Variants in HTRA3 observed in about 807,000 individuals in gnomAD.
HTRA3 encodes the protein HtrA serine peptidase 3.
In HTRA3, 41 loss-of-function variants were observed where a neutral mutation model predicts 43.2. That is an observed-to-expected ratio of 0.95 (90% CI 0.74 to 1.23). The LOEUF (loss-of-function observed/expected upper bound fraction) is 1.23, where lower values mean the gene tolerates loss of function less well. Ranked by LOEUF, HTRA3 falls within the 50% of genes most tolerant of loss-of-function variation. The probability of loss-of-function intolerance (pLI) is 0.00; values close to 1 mark genes in which losing one functional copy is unlikely to be tolerated. For missense variants in HTRA3, 628 were observed against 647.1 expected (o/e 0.97, Z 0.32); for synonymous variants, 295 against 287.9 (o/e 1.02, Z -0.25).
intron 1 of HTRA3, among the ~76,000 whole-genome samples, chr4:8,271,597 G>T (rs757299080): frequency 6.6e-6 from 1 of 152,228 alleles, no homozygotes; most frequent in Non-Finnish European, 1.5e-5. Context: ...ACAGGACAGA[G>T]ATGTATTTCT....
chr4:8,295,598 C>T lies in HTRA3; in HGVS notation c.1051+1397C>T, dbSNP rs941933516. Reference sequence around the variant, plus strand: ...TCTCTTCAGCCCTAGTGAGCTTCTCCCTCCTGCCATTGTGTCTCCTGTGCC... The same window carrying T: ...TCTCTTCAGCCCTAGTGAGCTTCTCTCTCCTGCCATTGTGTCTCCTGTGCC... On this transcript the variant is annotated intron_variant, in intron 6 of 8. Coordinates refer to ENST00000307358, the MANE Select transcript of HTRA3 (RefSeq NM_053044.5). This position sits in a 1 kb window ranked among gnomAD's most constrained non-coding sequence, Gnocchi z 6.9. 7 of 884,166 alleles carry T rather than the reference C, an allele frequency of 7.9e-6. No individual in the cohort carries two copies. The highest frequency in any genetic ancestry group is 5.2e-5 in the African/African-American group (3 of 57,426). 54.8% of individuals were successfully genotyped at this position (884,166 alleles called of 1,614,324 possible).
chr4:8,306,221 G>A lies in HTRA3; in HGVS notation c.*85G>A, dbSNP rs534152309. ...CCCGAGATCAGGACGAAGGACCACC[G>A]TCGGTCCTCAGCAGGGCGGCAGCCT... On this transcript the variant is annotated 3_prime_UTR_variant, in exon 9 of 9. Transcript: ENST00000307358. The surrounding 1 kb of genome is among the most constrained non-coding windows in gnomAD (Gnocchi z 8.9). 3.1e-5 allele frequency: 44 copies of A among 1,405,768 alleles called. No individual in the cohort carries two copies. Among genetic ancestry groups the A allele is most frequent in the Middle Eastern group, 2.6e-4 (1 of 3,864 alleles). 87.1% of individuals were successfully genotyped at this position (1,405,768 alleles called of 1,614,324 possible).
chr4:8,280,190 C>T (rs763561910), intron 1 of HTRA3, among the ~76,000 whole-genome samples: 1 of 152,082 alleles, frequency 6.6e-6, no homozygotes, highest in Non-Finnish European at 1.5e-5. Context: ...GTAATATGGT[C>T]CCACCTGGGG....
rs968699165 is a variant in HTRA3 at position 8,296,365 on chromosome 4, C to G, written c.1051+2164C>G. The G allele has an allele frequency of 8.1e-6, 8 of 985,324 alleles. No homozygotes were observed. Among genetic ancestry groups the G allele is most frequent in the South Asian group, 4.7e-5 (1 of 21,292 alleles). 61.0% of individuals were successfully genotyped at this position (985,324 alleles called of 1,614,324 possible). A position where few individuals can be genotyped will look rare whatever the true frequency, so the allele number is the denominator to read the frequency against. On this transcript the variant is annotated intron_variant, in intron 6 of 8. Transcript: ENST00000307358. This position sits in a 1 kb window ranked among gnomAD's most constrained non-coding sequence, Gnocchi z 5.3. ...AGGACAGTGCAGACTAACTGAGGAGCCTGATAAACCTTAGCTGCATGGCAC... is the reference window on the plus strand; with the variant it reads ...AGGACAGTGCAGACTAACTGAGGAGGCTGATAAACCTTAGCTGCATGGCAC...
chr4:8,270,056 G>T lies in HTRA3; in HGVS notation c.88G>T (p.Asp30Tyr). ...TGCGGCGCCGTGTCCCGCGCGCTGC[G>T]ACGTGTCGCGGTGTCCCAGCCCCCG... ...PPAAPCPARCDVSRCPSPRCP... is the reference protein window; with the variant it reads ...PPAAPCPARCYVSRCPSPRCP... The change falls in exon 1 of 9, where the codon GAC becomes TAC. Residue 30 changes from aspartate to tyrosine, a missense_variant. By Grantham distance (160) the Asp-to-Tyr change is radical. Coordinates refer to ENST00000307358, the MANE Select transcript of HTRA3 (RefSeq NM_053044.5). The T allele has an allele frequency of 6.8e-7, 1 of 1,474,570 alleles. No homozygotes were observed. The highest frequency in any genetic ancestry group is 8.9e-7 in the Non-Finnish European group (1 of 1,121,174). The allele number at this position is 1,474,570 out of a possible 1,614,324, so 91.3% of individuals were successfully genotyped here.
At chr4:8,293,897 A>G (rs555570057) in intron 5 of HTRA3, among the ~76,000 whole-genome samples, 190 bp from the exon 6 acceptor site, 1 of 152,052 alleles carries the variant, frequency 6.6e-6, no homozygotes, top group Non-Finnish European at 1.5e-5. Flanking sequence ...GGGGATCTCC[A>G]GGATTTGGAG....
Position 8,273,667 on chromosome 4 carries a change from C to T in HTRA3, c.385+3314C>T, listed in dbSNP as rs141948675. 3.4e-3 allele frequency among the ~76,000 whole-genome samples: 524 copies of T among 152,178 alleles called. 6 individuals carry two copies. Among genetic ancestry groups the T allele is most frequent in the African/African-American group, 0.012 (500 of 41,510 alleles). On this transcript the variant is annotated intron_variant, in intron 1 of 8. Coordinates refer to ENST00000307358, the MANE Select transcript of HTRA3 (RefSeq NM_053044.5). The stretch of plus-strand genomic sequence containing the variant: ...CTGCTGAGCCGCCTCGGGCTCTACT[C>T]TTCCCAGCCCCACTGAAAGGAGCAC...
chr4:8,291,795 C>A (rs946899082), intron 4 of HTRA3, among the ~76,000 whole-genome samples: 2 of 152,252 alleles, frequency 1.3e-5, no homozygotes, highest in East Asian at 1.9e-4. Context: ...GCTCGGGCAG[C>A]CTTTCAGAGA....
intron 1 of HTRA3, among the ~76,000 whole-genome samples, chr4:8,273,528 C>T (rs1249388168): frequency 6.6e-6 from 1 of 151,816 alleles, no homozygotes; most frequent in Non-Finnish European, 1.5e-5. Context: ...ACCCTCCCCC[C>T]CGCACCCCCG....
chr4:8,276,750 C>G (rs1344597552), intron 1 of HTRA3, among the ~76,000 whole-genome samples: 1 of 152,236 alleles, frequency 6.6e-6, no homozygotes, highest in Non-Finnish European at 1.5e-5. Flanking sequence ...CCACATTGAG[C>G]TCGGGTCTAG....
intron 1 of HTRA3, among the ~76,000 whole-genome samples, chr4:8,281,598 C>T (rs919453175): frequency 6.6e-6 from 1 of 152,254 alleles, no homozygotes; most frequent in Non-Finnish European, 1.5e-5. Context: ...CATTGCGGGG[C>T]TCGGGAGCCA....
At chr4:8,293,639 G>T (rs1203241366) in intron 5 of HTRA3, among the ~76,000 whole-genome samples, 2 of 152,144 alleles carry the variant, frequency 1.3e-5, no homozygotes, top group African/African-American at 2.4e-5. Flanking sequence ...TCTCCAAAGA[G>T]AGGGATGGGG....
intron 1 of HTRA3, among the ~76,000 whole-genome samples, chr4:8,282,156 G>A (rs1189003872): frequency 6.6e-6 from 1 of 152,194 alleles, no homozygotes; most frequent in African/African-American, 2.4e-5. Context: ...TGAGCCTCCT[G>A]CCCAGCCTAG....
In HTRA3 at chr4:8,270,142, G is replaced by C; in HGVS notation, c.174G>C (p.Glu58Asp). 1.3e-6 allele frequency: 2 copies of C among 1,544,064 alleles called. No homozygotes were observed. Among genetic ancestry groups the C allele is most frequent in the Non-Finnish European group, 1.7e-6 (2 of 1,157,456 alleles). ...CNCCLVCAAS[E>D]GEPCGGPLDS... The stretch of plus-strand genomic sequence containing the variant: ...GCTGCCTGGTGTGCGCCGCCAGCGA[G>C]GGCGAGCCCTGTGGCGGCCCTCTGG... The change falls in exon 1 of 9, where the codon GAG (glutamate) becomes GAC (aspartate). Residue 58 changes from glutamate to aspartate, a missense_variant. Transcript: ENST00000307358.
chr4:8,302,809 C>T (rs1473243600), intron 7 of HTRA3, among the ~76,000 whole-genome samples: 1 of 152,212 alleles, frequency 6.6e-6, no homozygotes, highest in South Asian at 2.1e-4. Context: ...TTCTGGAGGT[C>T]GGGGATCTGA....
In HTRA3 at chr4:8,276,989, C is replaced by T. The variant is rs117157228; in HGVS notation, c.386-5448C>T. The stretch of plus-strand genomic sequence containing the variant: ...AACTTCGGAGCCCAGCCTGACGTCC[C>T]ATGCCCAAATCGGGTCCCGCCTGCG... On this transcript the variant is annotated intron_variant, in intron 1 of 8. Transcript: ENST00000307358. 5.5e-3 allele frequency among the ~76,000 whole-genome samples: 836 copies of T among 152,372 alleles called. 20 individuals carry two copies. The highest frequency in any genetic ancestry group is 0.052 in the South Asian group (251 of 4,832).
At chr4:8,292,200 G>A in intron 4 of HTRA3, 121 bp from the exon 5 acceptor site, 1 of 802,704 alleles carries the variant, frequency 1.2e-6, no homozygotes, top group Non-Finnish European at 2.0e-6. Flanking sequence ...GCCTTTCGAT[G>A]CTGCTGAGGA....
At chr4:8,271,036 G>A (rs996393852) in intron 1 of HTRA3, among the ~76,000 whole-genome samples, 4 of 152,294 alleles carry the variant, frequency 2.6e-5, no homozygotes, top group Non-Finnish European at 4.4e-5. Context: ...TGCTGTGGCC[G>A]GACAGGGGTT....
chr4:8,281,407 C>G (rs942177425), intron 1 of HTRA3, among the ~76,000 whole-genome samples: 2 of 152,180 alleles, frequency 1.3e-5, no homozygotes, highest in East Asian at 1.9e-4. Context: ...GGCAGGGACT[C>G]GAAGTTTGCA....
Sources: gnomAD v4.1 joint callset for allele counts (sites outside exome capture counted in the v4.1 genomes callset) on GRCh38, gnomAD v4.1.1 for gene constraint, Gnocchi (gnomAD v3.1) non-coding constraint, MANE v1.5 for transcripts, NCBI Gene and HGNC (gene_info 2026-07-23, HGNC 2026-07-21) for gene names.